ZBTB20: variants seen among roughly 807,000 people sequenced by gnomAD.
The protein encoded by ZBTB20 is zinc finger and BTB domain-containing protein 20.
Under a neutral mutation model 56.9 loss-of-function variants are expected in ZBTB20, and 9 were observed. That is an observed-to-expected ratio of 0.16 (90% CI 0.10 to 0.28). The LOEUF is 0.28. Ranked by LOEUF, ZBTB20 falls within the 10% of genes least tolerant of loss-of-function variation. ZBTB20 has a pLI of 1.00. For synonymous variants in ZBTB20, 417 were observed against 420.7 expected, an observed-to-expected ratio of 0.99 and a Z score of 0.11; for missense variants, 655 against 1,003.0, an observed-to-expected ratio of 0.65 and a Z score of 4.69.
At chr3:114,964,120 A>G (rs1262555121) in intron 3 of ZBTB20, among the ~76,000 whole-genome samples, 2 of 152,260 alleles carry the variant, frequency 1.3e-5, no homozygotes, top group East Asian at 3.9e-4. Context: ...GGCATGAGTT[A>G]AAAACTTTAA....
chr3:115,003,120 G>A (rs555072274), intron 2 of ZBTB20, among the ~76,000 whole-genome samples: 30 of 151,652 alleles, frequency 2.0e-4, no homozygotes, highest in East Asian at 3.9e-4. Flanking sequence ...TATAGATACC[G>A]TAAAAAAGAT....
At chr3:115,065,090 G>C (rs145529855) in intron 2 of ZBTB20, among the ~76,000 whole-genome samples, 185 of 151,838 alleles carry the variant, frequency 1.2e-3, no homozygotes, top group African/African-American at 4.2e-3. Context: ...TCAGCTTGTT[G>C]GATCGTTTGT....
At chr3:114,808,407 A>T (rs1470819813) in intron 4 of ZBTB20, among the ~76,000 whole-genome samples, 2 of 151,994 alleles carry the variant, frequency 1.3e-5, no homozygotes, top group Non-Finnish European at 2.9e-5. Context: ...AGGTATCACC[A>T]CCAACCCCAT....
At chr3:114,705,586 C>CAAA (rs1424470269) in intron 5 of ZBTB20, among the ~76,000 whole-genome samples, 3 of 152,260 alleles carry the variant, frequency 2.0e-5, no homozygotes, top group African/African-American at 7.2e-5. Context: ...ACAACACTTC[C>CAAA]AAAAACAAAC....
intron 10 of ZBTB20, among the ~76,000 whole-genome samples, chr3:114,361,950 C>T (rs536985206): frequency 6.6e-6 from 1 of 152,114 alleles, no homozygotes; most frequent in Non-Finnish European, 1.5e-5. Context: ...GTCAGAAGGA[C>T]GAGGCTCAAT....
intron 10 of ZBTB20, among the ~76,000 whole-genome samples, chr3:114,374,224 G>A (rs2083354277): frequency 6.6e-6 from 1 of 152,074 alleles, no homozygotes; most frequent in East Asian, 1.9e-4. Context: ...ACAGATGAGG[G>A]GCTTACTTGG....
chr3:114,363,314 G>A (rs2082074185), intron 10 of ZBTB20, among the ~76,000 whole-genome samples: 1 of 152,170 alleles, frequency 6.6e-6, no homozygotes. Context: ...AGCCAGCAGA[G>A]AGGAGCAGAG....
chr3:114,796,271 A>T (rs2071335801), intron 5 of ZBTB20, among the ~76,000 whole-genome samples: 1 of 151,986 alleles, frequency 6.6e-6, no homozygotes, highest in Admixed American at 6.6e-5. Flanking sequence ...CATATGAAAA[A>T]ATTGAATGAT....
In ZBTB20 at chr3:114,544,901, A is replaced by G. The variant is rs1453151320; in HGVS notation, c.-294-44510T>C. 2.0e-5 allele frequency among the ~76,000 whole-genome samples: 3 copies of G among 152,222 alleles called. No homozygotes were observed. In the East Asian group the frequency reaches 5.8e-4, roughly 29 times the overall value. Reference sequence around the variant, plus strand: ...GTGTTTATTTAATACCAAAACATGGAAGATAGTATGTCTAGGAACTAATTT... The same window carrying G: ...GTGTTTATTTAATACCAAAACATGGGAGATAGTATGTCTAGGAACTAATTT... On this transcript the variant is annotated intron_variant, in intron 6 of 11. Transcript: ENST00000675478.
intron 4 of ZBTB20, among the ~76,000 whole-genome samples, chr3:114,824,571 C>T (rs2073424245): frequency 6.6e-6 from 1 of 151,842 alleles, no homozygotes; most frequent in Non-Finnish European, 1.5e-5. Flanking sequence ...TATGTGGAAA[C>T]TTTTATTTTG....
chr3:114,738,691 T>C (rs2078925791), intron 5 of ZBTB20, among the ~76,000 whole-genome samples: 1 of 152,174 alleles, frequency 6.6e-6, no homozygotes. Context: ...TATCAAAATT[T>C]GTAAAAGACT....
intron 3 of ZBTB20, among the ~76,000 whole-genome samples, chr3:114,926,677 C>T (rs896011918): frequency 6.6e-6 from 1 of 152,002 alleles, no homozygotes; most frequent in Non-Finnish European, 1.5e-5. Flanking sequence ...GAAATATATG[C>T]CATCAAATAG....
At chr3:114,637,783 T>C (rs2059354948) in intron 6 of ZBTB20, among the ~76,000 whole-genome samples, 1 of 152,120 alleles carries the variant, frequency 6.6e-6, no homozygotes, top group Non-Finnish European at 1.5e-5. Context: ...ATATAACATG[T>C]GTTCCTGCTT....
intron 4 of ZBTB20, among the ~76,000 whole-genome samples, chr3:114,804,315 C>G (rs1429186030): frequency 6.6e-6 from 1 of 152,000 alleles, no homozygotes; most frequent in East Asian, 1.9e-4. Context: ...TGACCACATT[C>G]TACTTTCTAA....
Position 114,939,493 on chromosome 3 carries a change from A to T in ZBTB20, c.-456+34873T>A, listed in dbSNP as rs1192540727. On this transcript the variant is annotated intron_variant, in intron 3 of 11. Coordinates refer to ENST00000675478, the MANE Select transcript of ZBTB20 (RefSeq NM_001348800.3). ...TAAGACTGGCAGAAAATAAACCAAT[A>T]TGGTAGTAATAGGAAGTTTTTTTGC... 8.9e-5 allele frequency among the ~76,000 whole-genome samples: 13 copies of T among 146,418 alleles called. 1 individual carries two copies. The highest frequency in any genetic ancestry group is 1.3e-4 in the Admixed American group (2 of 15,160).
At chr3:115,105,822 T>A (rs1490724875) in intron 1 of ZBTB20, among the ~76,000 whole-genome samples, 2 of 151,798 alleles carry the variant, frequency 1.3e-5, no homozygotes, top group East Asian at 3.9e-4. Context: ...TTTGGGGGTT[T>A]TGTTTGTTTG....
intron 4 of ZBTB20, among the ~76,000 whole-genome samples, chr3:114,802,192 T>C (rs967880166): frequency 2.0e-4 from 30 of 152,028 alleles, no homozygotes; most frequent in African/African-American, 6.7e-4. Context: ...CGTGGCAGAA[T>C]ACTTTCTATA....
chr3:114,990,267 G>A (rs983469094), intron 2 of ZBTB20, among the ~76,000 whole-genome samples: 3 of 152,130 alleles, frequency 2.0e-5, no homozygotes, highest in Non-Finnish European at 4.4e-5. Context: ...ATTATTTTGA[G>A]ATACATCCCA....
At chr3:115,042,509 T>A (rs1040640415) in intron 2 of ZBTB20, among the ~76,000 whole-genome samples, 4 of 152,166 alleles carry the variant, frequency 2.6e-5, no homozygotes, top group African/African-American at 9.7e-5. Flanking sequence ...AAACAAAGTA[T>A]CCAGTGTATT....
Sources: allele counts gnomAD v4.1 joint callset (sites outside exome capture counted in the v4.1 genomes callset), GRCh38; gene constraint gnomAD v4.1.1; transcripts MANE v1.5; gene names NCBI Gene and HGNC (gene_info 2026-07-23, HGNC 2026-07-21).